The following RNFT2 variants were observed in gnomAD, a reference collection of about 807,000 sequenced individuals.
RNFT2 encodes ring finger protein, transmembrane 2.
In RNFT2, 36 loss-of-function variants were observed where a neutral mutation model predicts 53.0. That is an observed-to-expected ratio of 0.68 (90% confidence interval 0.52 to 0.90). The LOEUF (loss-of-function observed/expected upper bound fraction) is 0.90, where lower values mean the gene tolerates loss of function less well. Ranked by LOEUF, RNFT2 falls within the 40% of genes least tolerant of loss-of-function variation. RNFT2 has a pLI of 0.00. For missense variants in RNFT2, 514 were observed against 585.6 expected (o/e 0.88, Z 1.26); for synonymous variants, 260 against 253.2 (o/e 1.03, Z -0.26).
chr12:116,763,733 C>G (rs1440992444), intron 5 of RNFT2, among the ~76,000 whole-genome samples: 4 of 149,926 alleles, frequency 2.7e-5, no homozygotes, highest in African/African-American at 9.8e-5. Context: ...GAGCCGAGAT[C>G]GCGCCACTGC....
rs1592998163 is a variant in RNFT2, at chr12:116,851,804, A to C, written c.*2356A>C. 5.2e-6 allele frequency: 5 copies of C among 967,512 alleles called. No individual in the cohort carries two copies. Among genetic ancestry groups the C allele is most frequent in the Non-Finnish European group, 6.3e-6 (4 of 632,066 alleles). 59.9% of individuals were successfully genotyped at this position (967,512 alleles called of 1,614,324 possible). On this transcript the variant is annotated 3_prime_UTR_variant, in exon 11 of 11. Coordinates refer to ENST00000257575, the MANE Select transcript of RNFT2 (RefSeq NM_001382266.1). The stretch of plus-strand genomic sequence containing the variant: ...GAAGGAAGGAAGGAAGGAAAGAAAG[A>C]AAGGTCAGCTTTGGCCCAGATGTGG...
At chr12:116,847,635 C>G (rs1472025706) in intron 10 of RNFT2, among the ~76,000 whole-genome samples, 2 of 151,670 alleles carry the variant, frequency 1.3e-5, no homozygotes, top group Non-Finnish European at 2.9e-5. Context: ...TCAAGTGATT[C>G]TCCTGCCTCA....
At chr12:116,832,148 A>AAAAATATATATATATATATAT (rs1555209702) in intron 7 of RNFT2, among the ~76,000 whole-genome samples, 10 of 55,170 alleles carry the variant, frequency 1.8e-4, no homozygotes, top group African/African-American at 7.0e-4. Context: ...AAAAAAAAAA[A>AAAAATATATATATATATATAT]ATATATATAT....
intron 5 of RNFT2, among the ~76,000 whole-genome samples, chr12:116,765,846 G>A (rs1433707229): frequency 2.0e-5 from 3 of 152,134 alleles, no homozygotes; most frequent in Non-Finnish European, 4.4e-5. Context: ...CCAGGGCAGC[G>A]GGCCAGAGGT....
At chr12:116,754,527 G>C (rs1003182321) in intron 5 of RNFT2, among the ~76,000 whole-genome samples, 6 of 152,152 alleles carry the variant, frequency 3.9e-5, no homozygotes. Flanking sequence ...GGATCAAATG[G>C]TAGTTCTACT....
intron 7 of RNFT2, among the ~76,000 whole-genome samples, chr12:116,794,652 A>G (rs373018500): frequency 0.01 from 173 of 16,810 alleles, no homozygotes; most frequent in South Asian, 0.026. Flanking sequence ...GGGGAGAAGG[A>G]AGGAAGGAAG....
chr12:116,790,963 AAAAAT>A (rs796433098), intron 7 of RNFT2, among the ~76,000 whole-genome samples: 6 of 152,364 alleles, frequency 3.9e-5, no homozygotes, highest in South Asian at 2.1e-4. Context: ...CCTGTCTGAA[AAAAAT>A]AAAATAAAAC....
In RNFT2 at chr12:116,829,975, GCATTCTCTATTATTTC is replaced by G. The variant is rs1326629789; in HGVS notation, c.883-3812_883-3797del. 4.7e-5 allele frequency among the ~76,000 whole-genome samples: 7 copies of G among 148,038 alleles called. No individual in the cohort carries two copies. The East Asian group carries it at 1.4e-3, about 29-fold the overall frequency. On this transcript the variant is annotated intron_variant, in intron 7 of 10. Coordinates refer to ENST00000257575, the MANE Select transcript of RNFT2 (RefSeq NM_001382266.1). ...AAGAGAATGAGGATTTTTTTTTTTT[GCATTCTCTATTATTTC>G]CATTTGGAACAATAATATGAGCATT...
intron 3 of RNFT2, among the ~76,000 whole-genome samples, chr12:116,743,080 C>CA (rs10558117): frequency 0.014 from 700 of 49,408 alleles, 31 homozygotes; most frequent in Admixed American, 0.019. Flanking sequence ...GACCCTATCT[C>CA]AAAAAAAAAA....
chr12:116,809,915 T>C (rs1178856491), intron 7 of RNFT2, among the ~76,000 whole-genome samples: 1 of 152,072 alleles, frequency 6.6e-6, no homozygotes, highest in Admixed American at 6.6e-5. Context: ...CCTCAGATGA[T>C]CCACCCACCT....
chr12:116,794,646 A>AGGAGGGAGGGAGGGAGGGAGGGAG lies in RNFT2; in HGVS notation c.882+15299_882+15300insGAGGGAGGGAGGGAGGGAGGGAGG, dbSNP rs1555262128. On this transcript the variant is annotated intron_variant, in intron 7 of 10. Transcript: ENST00000257575. The stretch of plus-strand genomic sequence containing the variant: ...AGGGAAGAGAAGGGGAGGGGAGGGG[A>AGGAGGGAGGGAGGGAGGGAGGGAG]GAAGGAAGGAAGGAAGGGAGGAAGG... Among the ~76,000 whole-genome samples, 201 of 26,572 alleles carry AGGAGGGAGGGAGGGAGGGAGGGAG rather than the reference A, an allele frequency of 7.6e-3. 1 individual carries two copies. Among genetic ancestry groups the AGGAGGGAGGGAGGGAGGGAGGGAG allele is most frequent in the South Asian group, 0.038 (20 of 524 alleles). The allele number at this position is 26,572 out of a possible 152,430, so 17.4% of individuals were successfully genotyped here. A position where few individuals can be genotyped will look rare whatever the true frequency, so the allele number is the denominator to read the frequency against.
chr12:116,813,943 C>T (rs892307602), intron 7 of RNFT2, among the ~76,000 whole-genome samples: 6 of 152,180 alleles, frequency 3.9e-5, no homozygotes, highest in African/African-American at 1.2e-4. Flanking sequence ...GAAGATTAAA[C>T]AGGACCATAC....
chr12:116,806,671 A>G (rs4238048), intron 7 of RNFT2, among the ~76,000 whole-genome samples: 134,038 of 150,774 alleles, frequency 0.89, 59,755 homozygotes, highest in East Asian at 0.94. Flanking sequence ...CTTGAGCCTG[A>G]GAGTTCGAGG....
chr12:116,748,725 G>T (rs1358633628), intron 3 of RNFT2: 1 of 437,616 alleles, frequency 2.3e-6, no homozygotes, highest in Non-Finnish European at 4.6e-6. Flanking sequence ...TGCAGAGCCA[G>T]CGGTCCTTGG....
intron 5 of RNFT2, among the ~76,000 whole-genome samples, chr12:116,762,671 C>T (rs1463935627): frequency 6.6e-6 from 1 of 151,656 alleles, no homozygotes; most frequent in South Asian, 2.1e-4. Flanking sequence ...CCTCTGCCTC[C>T]CAAGTAGCGA....
intron 3 of RNFT2, among the ~76,000 whole-genome samples, chr12:116,745,599 G>T (rs746443348): frequency 9.2e-5 from 14 of 152,150 alleles, no homozygotes; most frequent in African/African-American, 1.4e-4. Context: ...GGCCCAGTTT[G>T]TGCAGCCAGG....
At chr12:116,811,014 T>G (rs963046638) in intron 7 of RNFT2, among the ~76,000 whole-genome samples, 8 of 152,226 alleles carry the variant, frequency 5.3e-5, no homozygotes, top group Non-Finnish European at 1.2e-4. Flanking sequence ...GGATCTGAGC[T>G]GGAATTTTGG....
intron 7 of RNFT2, among the ~76,000 whole-genome samples, chr12:116,790,434 T>C (rs1394761060): frequency 1.3e-5 from 2 of 152,212 alleles, no homozygotes; most frequent in African/African-American, 2.4e-5. Context: ...GGAGGGTAGA[T>C]GCTGTTGATA....
intron 6 of RNFT2, among the ~76,000 whole-genome samples, chr12:116,771,587 A>C (rs2137106619): frequency 1.3e-5 from 2 of 150,360 alleles, no homozygotes; most frequent in Non-Finnish European, 3.0e-5. Flanking sequence ...TAGTAATAGC[A>C]GTGCTTTTTA....
Sources: allele counts gnomAD v4.1 joint callset (sites outside exome capture counted in the v4.1 genomes callset), GRCh38; gene constraint gnomAD v4.1.1; transcripts MANE v1.5; gene names NCBI Gene and HGNC (gene_info 2026-07-23, HGNC 2026-07-21).